Variants in CDYL2 observed in about 807,000 individuals in gnomAD.
The protein encoded by CDYL2 is chromodomain Y like 2, also known as chromodomain Y-like protein 2.
CDYL2 carries 23 observed loss-of-function variants against 49.4 expected under a neutral mutation model. That is an observed-to-expected ratio of 0.47 (90% CI 0.34 to 0.66). CDYL2 has a LOEUF of 0.66. CDYL2 is among the 30% of genes least tolerant of loss of function. The probability of loss-of-function intolerance (pLI) is 0.01; values close to 1 mark genes in which losing one functional copy is unlikely to be tolerated. For synonymous variants in CDYL2, 360 were observed against 268.8 expected (o/e 1.34, Z -3.32); for missense variants, 678 against 656.4 (o/e 1.03, Z -0.36).
chr16:80,605,765 G>C (rs1300554815), intron 6 of CDYL2, among the ~76,000 whole-genome samples: 1 of 152,030 alleles, frequency 6.6e-6, no homozygotes, highest in Non-Finnish European at 1.5e-5. Flanking sequence ...CTATAATAAT[G>C]CCACTATGAT....
Position 80,598,822 on chromosome 16 carries a change from T to C in CDYL2, c.*5566A>G, listed in dbSNP as rs901758156. On this transcript the variant is annotated 3_prime_UTR_variant, in exon 7 of 7. Coordinates refer to ENST00000570137, the MANE Select transcript of CDYL2 (RefSeq NM_152342.4). The stretch of plus-strand genomic sequence containing the variant: ...ATGAGGTTGGTGGAAGTCAGCAGTT[T>C]CTCTGCACCATCAAGCATGCACATA... The C allele has an allele frequency of 1.3e-5, 2 of 152,114 alleles. No homozygotes were observed. The highest frequency in any genetic ancestry group is 4.8e-5 in the African/African-American group (2 of 41,418). 9.4% of individuals were successfully genotyped at this position (152,114 alleles called of 1,614,324 possible).
chr16:80,622,737 C>T (rs1287116292), intron 3 of CDYL2, among the ~76,000 whole-genome samples: 3 of 152,138 alleles, frequency 2.0e-5, no homozygotes, highest in Non-Finnish European at 2.9e-5. Context: ...CAAAAGGCAC[C>T]TGTGAAAACC....
intron 4 of CDYL2, among the ~76,000 whole-genome samples, chr16:80,617,152 G>C (rs1906868443): frequency 6.6e-6 from 1 of 152,196 alleles, no homozygotes; most frequent in Non-Finnish European, 1.5e-5. Flanking sequence ...AAATCTGCTA[G>C]TTCATTCATC....
rs1259552514 is a variant in CDYL2, at chr16:80,650,007, T to C, written c.617-16771A>G. Among the ~76,000 whole-genome samples, 3 of 152,296 alleles carry C rather than the reference T, an allele frequency of 2.0e-5. No individual in the cohort carries two copies. In the East Asian group the frequency reaches 5.8e-4, roughly 29 times the overall value. On this transcript the variant is annotated intron_variant, in intron 2 of 6. Coordinates refer to ENST00000570137, the MANE Select transcript of CDYL2 (RefSeq NM_152342.4). ...GACTTAAATCTGAGACCTCAAACTA[T>C]GAACCTACTACAAGAAAACATTGGG...
In CDYL2 at chr16:80,598,543, G is replaced by T. The variant is rs903688841; in HGVS notation, c.*5845C>A. The T allele has an allele frequency of 7.2e-5, 11 of 152,166 alleles. No individual in the cohort carries two copies. Among genetic ancestry groups the T allele is most frequent in the African/African-American group, 2.7e-4 (11 of 41,420 alleles). The allele number at this position is 152,166 out of a possible 1,614,324, so 9.4% of individuals were successfully genotyped here. A position where few individuals can be genotyped will look rare whatever the true frequency, so the allele number is the denominator to read the frequency against. On this transcript the variant is annotated 3_prime_UTR_variant, in exon 7 of 7. Coordinates refer to ENST00000570137, the MANE Select transcript of CDYL2 (RefSeq NM_152342.4). ...ACAAAAGGAGGCAGACATTTGGAAAGTGCAGGATCCTACTGTTCAGTATAG... is the reference window on the plus strand; with the variant it reads ...ACAAAAGGAGGCAGACATTTGGAAATTGCAGGATCCTACTGTTCAGTATAG...
intron 1 of CDYL2, among the ~76,000 whole-genome samples, chr16:80,780,097 G>A (rs953882893): frequency 6.6e-6 from 1 of 152,030 alleles, no homozygotes. Context: ...ATCTTATAAA[G>A]AAAGTTGTAA....
chr16:80,701,999 A>C (rs1338132223), intron 1 of CDYL2, among the ~76,000 whole-genome samples: 4 of 152,252 alleles, frequency 2.6e-5, no homozygotes, highest in Non-Finnish European at 5.9e-5. Context: ...TTAGGAGATA[A>C]AATCGGAAAC....
At chr16:80,754,948 A>T (rs1186110242) in intron 1 of CDYL2, among the ~76,000 whole-genome samples, 1 of 152,146 alleles carries the variant, frequency 6.6e-6, no homozygotes, top group Admixed American at 6.5e-5. Flanking sequence ...GGGAAATATC[A>T]TTAGGATTTC....
At chr16:80,640,083 G>C (rs1174395744) in intron 2 of CDYL2, among the ~76,000 whole-genome samples, 1 of 152,036 alleles carries the variant, frequency 6.6e-6, no homozygotes, top group Non-Finnish European at 1.5e-5. Flanking sequence ...TCCCGCAATG[G>C]GCCCAGAGCC....
chr16:80,791,584 A>C (rs1229526427), intron 1 of CDYL2, among the ~76,000 whole-genome samples: 1 of 152,238 alleles, frequency 6.6e-6, no homozygotes, highest in Non-Finnish European at 1.5e-5. Flanking sequence ...AGAATAACAC[A>C]TAAGCTGAGA....
chr16:80,752,327 C>T (rs1005969767), intron 1 of CDYL2, among the ~76,000 whole-genome samples: 2 of 151,806 alleles, frequency 1.3e-5, no homozygotes, highest in African/African-American at 4.8e-5. Flanking sequence ...GACTGGTGTC[C>T]TAGAAGAGGA....
At chr16:80,626,711 G>T (rs1346954636) in intron 3 of CDYL2, among the ~76,000 whole-genome samples, 1 of 152,200 alleles carries the variant, frequency 6.6e-6, no homozygotes, top group African/African-American at 2.4e-5. Flanking sequence ...AACTTCCAAA[G>T]GATCACTATT....
chr16:80,714,761 G>C (rs1417940674), intron 1 of CDYL2, among the ~76,000 whole-genome samples: 1 of 152,126 alleles, frequency 6.6e-6, no homozygotes, highest in Non-Finnish European at 1.5e-5. Flanking sequence ...TAGCTCCAAG[G>C]CTCCTGAGGG....
At chr16:80,724,606 G>C (rs140716090) in intron 1 of CDYL2, among the ~76,000 whole-genome samples, 128 of 152,284 alleles carry the variant, frequency 8.4e-4, no homozygotes, top group African/African-American at 3.0e-3. Flanking sequence ...ATATCAGTGT[G>C]TATTGCCTGT....
At chr16:80,773,027 A>AT (rs1348907726) in intron 1 of CDYL2, among the ~76,000 whole-genome samples, 1 of 152,158 alleles carries the variant, frequency 6.6e-6, no homozygotes. Context: ...ATCAGATAGA[A>AT]TTTTTTAAAC....
chr16:80,756,384 T>G (rs537528757), intron 1 of CDYL2, among the ~76,000 whole-genome samples: 1 of 152,218 alleles, frequency 6.6e-6, no homozygotes, highest in East Asian at 1.9e-4. Flanking sequence ...CAAGGGAATT[T>G]GTTAACAAGA....
chr16:80,628,898 A>ACAAAT (rs1907425024), intron 3 of CDYL2, among the ~76,000 whole-genome samples: 1 of 152,194 alleles, frequency 6.6e-6, no homozygotes, highest in Non-Finnish European at 1.5e-5. Context: ...GTAGACTAAC[A>ACAAAT]ACTGTGATAA....
intron 1 of CDYL2, among the ~76,000 whole-genome samples, chr16:80,785,432 G>C (rs192077508): frequency 7.0e-4 from 106 of 152,190 alleles, no homozygotes; most frequent in African/African-American, 2.5e-3. Flanking sequence ...TCTTCAAAGA[G>C]AACTACAGAC....
At chr16:80,685,953 G>C (rs538687428) in intron 1 of CDYL2, among the ~76,000 whole-genome samples, 2 of 152,280 alleles carry the variant, frequency 1.3e-5, no homozygotes, top group East Asian at 3.9e-4. Context: ...GCAACACAGA[G>C]GCACAGCTAG....
Sources: gnomAD v4.1 joint callset for allele counts (sites outside exome capture counted in the v4.1 genomes callset) on GRCh38, gnomAD v4.1.1 for gene constraint, MANE v1.5 for transcripts, NCBI Gene and HGNC (gene_info 2026-07-23, HGNC 2026-07-21) for gene names.